Variants in HIPK1 observed in about 807,000 individuals in gnomAD.
The protein encoded by HIPK1 is homeodomain interacting protein kinase 1, also known as homeodomain-interacting protein kinase 1.
In HIPK1, 28 loss-of-function variants were observed where a neutral mutation model predicts 117.1. That is an observed-to-expected ratio of 0.24 (90% CI 0.18 to 0.33). The LOEUF is 0.33. Ranked by LOEUF, HIPK1 falls within the 10% of genes least tolerant of loss-of-function variation. The probability of loss-of-function intolerance (pLI) is 1.00; values close to 1 mark genes in which losing one functional copy is unlikely to be tolerated. For missense variants in HIPK1, 1,122 were observed against 1,475.1 expected, an observed-to-expected ratio of 0.76 and a Z score of 3.92; for synonymous variants, 605 against 562.5, an observed-to-expected ratio of 1.08 and a Z score of -1.07.
chr1:113,929,831 G>A, intron 1 of HIPK1: 1 of 987,666 alleles, frequency 1.0e-6, no homozygotes, highest in Non-Finnish European at 1.2e-6. Context: ...GGCCCGGGCC[G>A]GCTCGCGCGG....
Position 113,968,526 on chromosome 1 carries a change from G to A in HIPK1, c.2649G>A (p.Leu883=), listed in dbSNP as rs757645256. The A allele has an allele frequency of 5.0e-6, 8 of 1,613,926 alleles. No individual in the cohort carries two copies. Among genetic ancestry groups the A allele is most frequent in the East Asian group, 4.5e-5 (2 of 44,882 alleles). ...PLRTTSSYNS[L]VPVQDQHQPI... is the part of the protein sequence containing the mutation. Reference sequence around the variant, plus strand: ...GCACCACATCTTCTTATAATTCCTTGGTCCCTGTCCAAGATCAGCATCAGC... The same window carrying A: ...GCACCACATCTTCTTATAATTCCTTAGTCCCTGTCCAAGATCAGCATCAGC... The change falls in exon 13 of 16, where the codon TTG becomes TTA. Residue 883 remains leucine, a synonymous_variant. Coordinates refer to ENST00000426820, the MANE Select transcript of HIPK1 (RefSeq NM_198268.3).
chr1:113,935,030 T>TA (rs1296883351), intron 1 of HIPK1, among the ~76,000 whole-genome samples: 1 of 149,950 alleles, frequency 6.7e-6, no homozygotes. Context: ...TTTTTTTTTT[T>TA]AAACCTTTAT....
Position 113,970,145 on chromosome 1 carries a change from G to A in HIPK1, c.2961G>A (p.Val987=), listed in dbSNP as rs763884603. The change falls in exon 14 of 16, where the codon GTG becomes GTA. Residue 987 remains valine (V), a synonymous_variant. Transcript: ENST00000426820. ...ADGTGTRTII[V]PPLKTQLGDC... ...GCACTGGCACCCGCACTATCATTGT[G>A]CCTCCACTGAAAACTCAGCTTGGTG... The A allele has an allele frequency of 4.3e-6, 7 of 1,614,182 alleles. No individual in the cohort carries two copies. The South Asian group carries it at 6.6e-5, about 15-fold the overall frequency.
At chr1:113,929,755 G>A (rs1414503717) in intron 1 of HIPK1, 1 of 867,480 alleles carries the variant, frequency 1.2e-6, no homozygotes, top group African/African-American at 1.8e-5. Flanking sequence ...GGTGGAGCGG[G>A]AGGGAGGCTG....
In HIPK1 at chr1:113,976,857, C is replaced by T. The variant is rs1452768466; in HGVS notation, c.*3345C>T. 6.5e-6 allele frequency: 1 copy of T among 152,830 alleles called. No individual in the cohort carries two copies. Among genetic ancestry groups the T allele is most frequent in the Non-Finnish European group, 1.5e-5 (1 of 68,060 alleles). The allele number at this position is 152,830 out of a possible 1,614,324, so 9.5% of individuals were successfully genotyped here. On this transcript the variant is annotated 3_prime_UTR_variant, in exon 16 of 16. Transcript: ENST00000426820. Reference sequence around the variant, plus strand: ...AGAACTTGGCATTTCCAACTTCTTCCTTTCCGGGTGAGAGAAGAAGCGGAG... The same window carrying T: ...AGAACTTGGCATTTCCAACTTCTTCTTTTCCGGGTGAGAGAAGAAGCGGAG...
chr1:113,956,788 T>C lies in HIPK1; in HGVS notation c.1569T>C (p.Leu523=). 6.2e-7 allele frequency: 1 copy of C among 1,614,056 alleles called. No homozygotes were observed. Among genetic ancestry groups the C allele is most frequent in the Non-Finnish European group, 8.5e-7 (1 of 1,179,952 alleles). ...LNHQFVTMTH[L]LDFPHSNHVK... is the part of the protein sequence containing the mutation. Reference sequence around the variant, plus strand: ...ATCAGTTTGTGACAATGACTCACCTTTTGGATTTTCCACATAGCAATCAGT... The same window carrying C: ...ATCAGTTTGTGACAATGACTCACCTCTTGGATTTTCCACATAGCAATCAGT... The change falls in exon 6 of 16, where the codon CTT becomes CTC. Residue 523 remains leucine (L), a synonymous_variant. Coordinates refer to ENST00000426820, the MANE Select transcript of HIPK1 (RefSeq NM_198268.3).
In HIPK1 at chr1:113,976,383, A is replaced by AT. The variant is rs1415501513; in HGVS notation, c.*2877dup. ...CACAGGTCTAGTTTCTAAAGGACAA[A>AT]TTTTTTGTTCCTTGTCTTTTTTCTG... is the stretch of plus-strand genomic sequence containing the variant. On this transcript the variant is annotated 3_prime_UTR_variant, in exon 16 of 16. Coordinates refer to ENST00000426820, the MANE Select transcript of HIPK1 (RefSeq NM_198268.3). 1 of 152,306 alleles carries AT rather than the reference A, an allele frequency of 6.6e-6. No individual in the cohort carries two copies. Among genetic ancestry groups the AT allele is most frequent in the Non-Finnish European group, 1.5e-5 (1 of 68,010 alleles). 9.4% of individuals were successfully genotyped at this position (152,306 alleles called of 1,614,324 possible). A position where few individuals can be genotyped will look rare whatever the true frequency, so the allele number is the denominator to read the frequency against.
At chr1:113,969,266 G>T (rs1323397159) in intron 13 of HIPK1, among the ~76,000 whole-genome samples, 2 of 152,150 alleles carry the variant, frequency 1.3e-5, no homozygotes, top group African/African-American at 4.8e-5. Context: ...AGGACCAATT[G>T]TAAGATGGTA....
intron 1 of HIPK1, among the ~76,000 whole-genome samples, chr1:113,934,926 A>G (rs1378049531): frequency 6.8e-6 from 1 of 146,800 alleles, no homozygotes; most frequent in African/African-American, 2.5e-5. Context: ...GATTTCGAGG[A>G]TACAGTGAGC....
intron 14 of HIPK1, among the ~76,000 whole-genome samples, chr1:113,971,030 G>GCA (rs1373603367): frequency 6.6e-6 from 1 of 152,188 alleles, no homozygotes; most frequent in African/African-American, 2.4e-5. Context: ...AGGGGTTGGT[G>GCA]AAGTTTAGGT....
At chr1:113,958,556 C>T (rs917870026) in intron 8 of HIPK1, among the ~76,000 whole-genome samples, 28 of 152,148 alleles carry the variant, frequency 1.8e-4, no homozygotes, top group Non-Finnish European at 3.8e-4. Flanking sequence ...CCCATTGAGT[C>T]CTTGTGTCAA....
At chr1:113,950,613 C>T (rs992655252) in intron 2 of HIPK1, among the ~76,000 whole-genome samples, 7 of 152,086 alleles carry the variant, frequency 4.6e-5, no homozygotes, top group Non-Finnish European at 1.0e-4. Context: ...AAGTAATTCT[C>T]TTGCCTCAGC....
chr1:113,952,400 G>T (rs1671428264), intron 2 of HIPK1, among the ~76,000 whole-genome samples: 1 of 152,050 alleles, frequency 6.6e-6, no homozygotes, highest in Non-Finnish European at 1.5e-5. Context: ...TAATTGGCAA[G>T]ACCTGACTTG....
In HIPK1 at chr1:113,954,643, T is replaced by C; in HGVS notation, c.1201-8T>C. 1.9e-6 allele frequency: 3 copies of C among 1,613,784 alleles called. No homozygotes were observed. Among genetic ancestry groups the C allele is most frequent in the Non-Finnish European group, 2.5e-6 (3 of 1,179,720 alleles). ...CCAAATAGTTGTTTGATGGTTTTGA[T>C]GTTTCAGATTCGTTATATTTCACAA... On this transcript the variant is annotated splice_polypyrimidine_tract_variant and splice_region_variant and intron_variant, in intron 3 of 15. Transcript: ENST00000426820.
In HIPK1 at chr1:113,941,589, G is replaced by C. The variant is rs1670640514; in HGVS notation, c.1076+130G>C. 1 of 730,084 alleles carries C rather than the reference G, an allele frequency of 1.4e-6. No homozygotes were observed. 45.2% of individuals were successfully genotyped at this position (730,084 alleles called of 1,614,324 possible). The stretch of plus-strand genomic sequence containing the variant: ...TGAGATAGAAATAGGATATGTTTTA[G>C]CTCATTCTATGTGTGTGGCATTCCT... On this transcript the variant is annotated intron_variant, in intron 2 of 15. Coordinates refer to ENST00000426820, the MANE Select transcript of HIPK1 (RefSeq NM_198268.3). The surrounding 1 kb of genome is among the most constrained non-coding windows in gnomAD (Gnocchi z 4.9).
intron 1 of HIPK1, among the ~76,000 whole-genome samples, chr1:113,932,604 C>G (rs1669971221): frequency 6.6e-6 from 1 of 151,984 alleles, no homozygotes; most frequent in African/African-American, 2.4e-5. Flanking sequence ...GTCTCAGACT[C>G]CTGACCTCAA....
At chr1:113,952,683 A>G in intron 2 of HIPK1, 83 bp from the exon 3 acceptor site, 1 of 1,049,514 alleles carries the variant, frequency 9.5e-7, no homozygotes, top group Non-Finnish European at 1.3e-6. Flanking sequence ...TTTAGCTAAT[A>G]CTAAAACAGG....
At chr1:113,933,838 C>T (rs1455381722) in intron 1 of HIPK1, among the ~76,000 whole-genome samples, 1 of 152,004 alleles carries the variant, frequency 6.6e-6, no homozygotes, top group African/African-American at 2.4e-5. Context: ...GTACTGCACT[C>T]CGGTCTGGGT....
intron 12 of HIPK1, 90 bp from the exon 13 acceptor site, chr1:113,968,352 A>G (rs1672592737): frequency 6.7e-6 from 6 of 891,462 alleles, no homozygotes; most frequent in Non-Finnish European, 9.4e-6. Context: ...AAAGGAATCA[A>G]TGAGTAAATT....
Sources: allele counts gnomAD v4.1 joint callset (sites outside exome capture counted in the v4.1 genomes callset), GRCh38; gene constraint gnomAD v4.1.1; non-coding constraint Gnocchi (gnomAD v3.1); transcripts MANE v1.5; gene names NCBI Gene and HGNC (gene_info 2026-07-23, HGNC 2026-07-21).